The following MED15 variants were observed in gnomAD, a reference collection of about 807,000 sequenced individuals.
MED15 encodes mediator complex subunit 15, also known as mediator of RNA polymerase II transcription subunit 15.
Under a neutral mutation model 118.7 loss-of-function variants are expected in MED15, and 41 were observed. The ratio of observed to expected loss-of-function variants is 0.35; its 90% confidence interval spans 0.27 to 0.45. The LOEUF is 0.45. MED15 is among the 20% of genes least tolerant of loss of function. The pLI is 1.00. For synonymous variants in MED15, 436 were observed against 413.9 expected, an observed-to-expected ratio of 1.05 and a Z score of -0.65; for missense variants, 740 against 1,025.5, an observed-to-expected ratio of 0.72 and a Z score of 3.80.
At chr22:20,512,456 C>A (rs552063363) in intron 1 of MED15, among the ~76,000 whole-genome samples, 1 of 152,228 alleles carries the variant, frequency 6.6e-6, no homozygotes, top group South Asian at 2.1e-4. Flanking sequence ...TGGTCACCGC[C>A]TCTGATATGT....
At chr22:20,520,535 A>T (rs1189277386) in intron 1 of MED15, among the ~76,000 whole-genome samples, 1 of 152,244 alleles carries the variant, frequency 6.6e-6, no homozygotes, top group East Asian at 1.9e-4. Context: ...GCACAGGCTC[A>T]GAGCTCTTGC....
intron 1 of MED15, among the ~76,000 whole-genome samples, chr22:20,513,005 G>A (rs1316000171): frequency 6.6e-6 from 1 of 151,986 alleles, no homozygotes; most frequent in African/African-American, 2.4e-5. Context: ...CTCCCAAAGT[G>A]CTGAGATTAC....
At chr22:20,550,276 G>T (rs1038310840) in intron 2 of MED15, among the ~76,000 whole-genome samples, 7 of 152,148 alleles carry the variant, frequency 4.6e-5, no homozygotes, top group African/African-American at 1.2e-4. Flanking sequence ...GAAGCTGGGC[G>T]TGTTGACAGA....
intron 1 of MED15, among the ~76,000 whole-genome samples, chr22:20,525,192 G>GAGGAGGGAGGATTGCTTGAGCCT (rs1404264789): frequency 1.3e-5 from 2 of 152,134 alleles, no homozygotes; most frequent in East Asian, 3.9e-4. Flanking sequence ...TCGGGAGACT[G>GAGGAGGGAGGATTGCTTGAGCCT]AGGAGGGAGG....
intron 5 of MED15, among the ~76,000 whole-genome samples, chr22:20,556,926 T>G (rs749970569): frequency 6.6e-6 from 1 of 152,244 alleles, no homozygotes; most frequent in Non-Finnish European, 1.5e-5. Context: ...AGCCAGGTTT[T>G]ATCAGTAATT....
At chr22:20,564,422 C>G (rs767621972) in intron 5 of MED15, 28 bp from the exon 6 acceptor site, 1 of 1,612,740 alleles carries the variant, frequency 6.2e-7, no homozygotes, top group South Asian at 1.1e-5. Context: ...GCCCTGTGGA[C>G]TGACTGGCGA....
chr22:20,582,484 T>G (rs1176807096), intron 9 of MED15, 127 bp from the exon 10 acceptor site: 3 of 1,426,836 alleles, frequency 2.1e-6, no homozygotes, highest in Non-Finnish European at 2.8e-6. Flanking sequence ...AGGTGGCATT[T>G]GGATGAAGAC....
intron 9 of MED15, among the ~76,000 whole-genome samples, chr22:20,579,833 C>G (rs1295842935): frequency 6.6e-6 from 1 of 152,152 alleles, no homozygotes; most frequent in Non-Finnish European, 1.5e-5. Context: ...ACCTGTGACA[C>G]ACAGGTGACA....
rs2057161774 is a variant in MED15, at chr22:20,587,249, G to C, written c.*545G>C. 1 of 157,828 alleles carries C rather than the reference G, an allele frequency of 6.3e-6. No individual in the cohort carries two copies. Among genetic ancestry groups the C allele is most frequent in the African/African-American group, 2.4e-5 (1 of 41,578 alleles). 9.8% of individuals were successfully genotyped at this position (157,828 alleles called of 1,614,324 possible). On this transcript the variant is annotated 3_prime_UTR_variant, in exon 18 of 18. Transcript: ENST00000263205. ...CTTTTGGAGGGAGGGCTGGCCCATA[G>C]GTGCTGCTGGCTCCCCGCCACCAGC...
At chr22:20,546,124 C>T (rs2055526212) in intron 2 of MED15, among the ~76,000 whole-genome samples, 1 of 152,114 alleles carries the variant, frequency 6.6e-6, no homozygotes, top group Admixed American at 6.6e-5. Context: ...GAATCAGGAT[C>T]CAAACGAGGG....
In MED15 at chr22:20,562,046, A is replaced by G. The variant is rs5751254; in HGVS notation, c.452-2404A>G. Among the ~76,000 whole-genome samples, 23 of 152,036 alleles carry G rather than the reference A, an allele frequency of 1.5e-4. 1 individual carries two copies. Among genetic ancestry groups the G allele is most frequent in the African/African-American group, 5.3e-4 (22 of 41,366 alleles). On this transcript the variant is annotated intron_variant, in intron 5 of 17. Coordinates refer to ENST00000263205, the MANE Select transcript of MED15 (RefSeq NM_001003891.3). ...GTGGTACACACCTGTAGTCCCATCT[A>G]CTTGTGAGGCTGAGGTGAGAGGATC...
At chr22:20,535,971 G>A (rs1453466310) in intron 1 of MED15, among the ~76,000 whole-genome samples, 14 of 146,178 alleles carry the variant, frequency 9.6e-5, no homozygotes, top group African/African-American at 2.3e-4. Flanking sequence ...TCCACCTCCC[G>A]GTTCAAGCGA....
chr22:20,535,970 C>A (rs542126964), intron 1 of MED15, among the ~76,000 whole-genome samples: 1 of 148,236 alleles, frequency 6.7e-6, no homozygotes, highest in African/African-American at 2.5e-5. Context: ...CTCCACCTCC[C>A]GGTTCAAGCG....
At chr22:20,541,836 G>A (rs1277540741) in intron 2 of MED15, among the ~76,000 whole-genome samples, 1 of 152,148 alleles carries the variant, frequency 6.6e-6, no homozygotes, top group African/African-American at 2.4e-5. Flanking sequence ...TTTTAGTAGA[G>A]ACAGGGTTTC....
intron 13 of MED15, chr22:20,583,913 C>T (rs890840143): frequency 1.7e-5 from 4 of 238,806 alleles, no homozygotes; most frequent in Non-Finnish European, 2.5e-5. Flanking sequence ...ACTGCATGGG[C>T]ATTGGCATAT....
chr22:20,520,495 G>A (rs1463798854), intron 1 of MED15, among the ~76,000 whole-genome samples: 1 of 152,204 alleles, frequency 6.6e-6, no homozygotes, highest in Non-Finnish European at 1.5e-5. Context: ...AGGCATTCAG[G>A]CCAACCAAAG....
chr22:20,529,546 T>C (rs1216143829), intron 1 of MED15, among the ~76,000 whole-genome samples: 1 of 152,216 alleles, frequency 6.6e-6, no homozygotes, highest in Non-Finnish European at 1.5e-5. Flanking sequence ...TGCCTCGGCC[T>C]CCCGAGTAAC....
intron 1 of MED15, among the ~76,000 whole-genome samples, chr22:20,533,171 C>T (rs529181310): frequency 8.5e-5 from 13 of 152,188 alleles, no homozygotes; most frequent in African/African-American, 2.6e-4. Context: ...TGCAGCCTCC[C>T]GCAGCGGGTG....
At chr22:20,517,838 C>G (rs1352936855) in intron 1 of MED15, among the ~76,000 whole-genome samples, 1 of 150,188 alleles carries the variant, frequency 6.7e-6, no homozygotes, top group African/African-American at 2.5e-5. Context: ...GCTGGGGGCA[C>G]TTAAATTAGA....
Sources: allele counts gnomAD v4.1 joint callset (sites outside exome capture counted in the v4.1 genomes callset), GRCh38; gene constraint gnomAD v4.1.1; transcripts MANE v1.5; gene names NCBI Gene and HGNC (gene_info 2026-07-23, HGNC 2026-07-21).